Variants in B3GALT1 observed in about 807,000 individuals in gnomAD.
B3GALT1 encodes UDP-Gal:betaGlcNAc beta 1,3-galactosyltransferase, polypeptide 1.
In B3GALT1, 10 loss-of-function variants were observed where a neutral mutation model predicts 23.2. The observed-to-expected ratio is 0.43, with a 90% CI of 0.27 to 0.73. The LOEUF (loss-of-function observed/expected upper bound fraction) is 0.73, where lower values mean the gene tolerates loss of function less well. B3GALT1 is among the 30% of genes least tolerant of loss of function. The probability of loss-of-function intolerance (pLI) is 0.21; values close to 1 mark genes in which losing one functional copy is unlikely to be tolerated. For missense variants in B3GALT1, 299 were observed against 405.4 expected, an observed-to-expected ratio of 0.74 and a Z score of 2.25; for synonymous variants, 156 against 141.5, an observed-to-expected ratio of 1.10 and a Z score of -0.73.
chr2:167,583,582 A>G (rs1352375374), intron 2 of B3GALT1, among the ~76,000 whole-genome samples: 1 of 152,200 alleles, frequency 6.6e-6, no homozygotes, highest in Non-Finnish European at 1.5e-5. Context: ...TCAGACTAAT[A>G]TGCATTTCTC....
At chr2:167,688,319 G>A (rs1686650242) in intron 3 of B3GALT1, among the ~76,000 whole-genome samples, 1 of 152,044 alleles carries the variant, frequency 6.6e-6, no homozygotes, top group African/African-American at 2.4e-5. Context: ...AAACAGATCT[G>A]GCATAATGTG....
At chr2:167,348,501 TAA>T (rs1697259212) in intron 1 of B3GALT1, among the ~76,000 whole-genome samples, 1 of 152,192 alleles carries the variant, frequency 6.6e-6, no homozygotes, top group South Asian at 2.1e-4. Context: ...AAGTAATTGA[TAA>T]GAGTCTGAGA....
At chr2:167,295,113 A>G (rs1204777013) in intron 1 of B3GALT1, among the ~76,000 whole-genome samples, 2 of 152,208 alleles carry the variant, frequency 1.3e-5, no homozygotes, top group Non-Finnish European at 2.9e-5. Context: ...ATAAACTAGT[A>G]GTGATGTTAG....
chr2:167,591,806 A>G (rs560919494), intron 2 of B3GALT1, among the ~76,000 whole-genome samples: 1 of 152,070 alleles, frequency 6.6e-6, no homozygotes, highest in East Asian at 1.9e-4. Context: ...TGTTGTTATT[A>G]TAGCAGTTGT....
At chr2:167,632,681 A>G (rs1173787407) in intron 2 of B3GALT1, among the ~76,000 whole-genome samples, 1 of 151,814 alleles carries the variant, frequency 6.6e-6, no homozygotes, top group East Asian at 1.9e-4. Flanking sequence ...AGTTCCTTGT[A>G]GATTCTGGAT....
At chr2:167,583,785 G>A (rs1684532282) in intron 2 of B3GALT1, among the ~76,000 whole-genome samples, 1 of 151,956 alleles carries the variant, frequency 6.6e-6, no homozygotes, top group Non-Finnish European at 1.5e-5. Context: ...CAGAAATTTT[G>A]GATTCTCTGC....
chr2:167,859,826 C>T (rs1028253845), intron 4 of B3GALT1, among the ~76,000 whole-genome samples: 1 of 152,162 alleles, frequency 6.6e-6, no homozygotes, highest in African/African-American at 2.4e-5. Flanking sequence ...AGTCAGAACA[C>T]TTATTCCTAT....
intron 3 of B3GALT1, among the ~76,000 whole-genome samples, chr2:167,718,535 A>G (rs1370764473): frequency 1.3e-5 from 2 of 152,184 alleles, no homozygotes; most frequent in African/African-American, 4.8e-5. Context: ...CATGGCTGAG[A>G]CTCCTATAAA....
intron 1 of B3GALT1, among the ~76,000 whole-genome samples, chr2:167,422,777 G>A (rs1250892082): frequency 6.6e-6 from 1 of 152,146 alleles, no homozygotes; most frequent in Admixed American, 6.5e-5. Context: ...GAAGGACAGA[G>A]GTGCATTTTT....
chr2:167,299,810 C>A (rs1212839159), intron 1 of B3GALT1, among the ~76,000 whole-genome samples: 1 of 151,350 alleles, frequency 6.6e-6, no homozygotes, highest in Non-Finnish European at 1.5e-5. Flanking sequence ...CTTGGTCTCT[C>A]TCTCTCTCCA....
chr2:167,551,934 A>G (rs1683755060), intron 2 of B3GALT1, among the ~76,000 whole-genome samples: 2 of 152,248 alleles, frequency 1.3e-5, no homozygotes, highest in Middle Eastern at 3.4e-3. Context: ...TAACTTTGCT[A>G]TTTCATTTGA....
chr2:167,507,373 GGCAC>G (rs1699934310), intron 2 of B3GALT1, among the ~76,000 whole-genome samples: 1 of 151,742 alleles, frequency 6.6e-6, no homozygotes, highest in African/African-American at 2.4e-5. Flanking sequence ...TAGGTGTGGT[GGCAC>G]GCACCTGTAA....
At chr2:167,831,596 T>C (rs1689354758) in intron 4 of B3GALT1, among the ~76,000 whole-genome samples, 1 of 151,956 alleles carries the variant, frequency 6.6e-6, no homozygotes, top group Non-Finnish European at 1.5e-5. Context: ...GAAATGAGAA[T>C]GTGGAAAGGA....
intron 1 of B3GALT1, among the ~76,000 whole-genome samples, chr2:167,304,073 A>G (rs929387368): frequency 1.1e-4 from 17 of 152,018 alleles, no homozygotes; most frequent in Non-Finnish European, 1.8e-4. Flanking sequence ...CCCAATTAAT[A>G]CCCTTACTTT....
chr2:167,730,382 T>C (rs1464613846), intron 3 of B3GALT1, among the ~76,000 whole-genome samples: 1 of 152,210 alleles, frequency 6.6e-6, no homozygotes, highest in African/African-American at 2.4e-5. Flanking sequence ...CAAAGTGTTG[T>C]TTTCTTGCTT....
At chr2:167,368,480 A>G (rs570117940) in intron 1 of B3GALT1, among the ~76,000 whole-genome samples, 10 of 152,284 alleles carry the variant, frequency 6.6e-5, no homozygotes, top group Admixed American at 5.2e-4. Flanking sequence ...CTGGCTATCT[A>G]GAGGGCAGAA....
rs1388637233 is a variant in B3GALT1, at chr2:167,512,622, GTGTA to G, written c.-410+22347_-410+22350del. On this transcript the variant is annotated intron_variant, in intron 2 of 4. Transcript: ENST00000392690. ...TATATATATATGTATATATATATAC[GTGTA>G]TATATATATACATATATATATATAT... 1.6e-3 allele frequency among the ~76,000 whole-genome samples: 69 copies of G among 42,320 alleles called. 2 individuals carry two copies. Among genetic ancestry groups the G allele is most frequent in the East Asian group, 0.024 (1 of 42 alleles). The allele number at this position is 42,320 out of a possible 152,430, so 27.8% of individuals were successfully genotyped here. A position where few individuals can be genotyped will look rare whatever the true frequency, so the allele number is the denominator to read the frequency against.
intron 3 of B3GALT1, among the ~76,000 whole-genome samples, chr2:167,666,970 T>C (rs1686207391): frequency 6.6e-6 from 1 of 151,878 alleles, no homozygotes; most frequent in Admixed American, 6.6e-5. Flanking sequence ...AATATTGTTA[T>C]GTGTGAATTT....
At chr2:167,712,805 C>CT (rs1334365592) in intron 3 of B3GALT1, among the ~76,000 whole-genome samples, 2 of 152,066 alleles carry the variant, frequency 1.3e-5, no homozygotes. Flanking sequence ...ATTTTAAGCA[C>CT]TAGGAAAAAG....
Sources: allele counts gnomAD v4.1 joint callset (sites outside exome capture counted in the v4.1 genomes callset), GRCh38; gene constraint gnomAD v4.1.1; transcripts MANE v1.5; gene names NCBI Gene and HGNC (gene_info 2026-07-23, HGNC 2026-07-21).